The following DSG1 variants were observed in gnomAD, a reference collection of about 807,000 sequenced individuals.
DSG1 encodes desmoglein 1, also known as desmoglein-1.
DSG1 carries 39 observed loss-of-function variants against 97.5 expected under a neutral mutation model. The observed-to-expected ratio is 0.40, with a 90% CI of 0.31 to 0.52. DSG1 has a LOEUF of 0.52. Among genes scored for constraint, DSG1 ranks in the 20% least tolerant of loss-of-function variants. The pLI is 0.53. For synonymous variants in DSG1, 475 were observed against 443.4 expected, an observed-to-expected ratio of 1.07 and a Z score of -0.90; for missense variants, 1,311 against 1,295.4, an observed-to-expected ratio of 1.01 and a Z score of -0.18.
chr18:31,327,918 G>A (rs114030638), intron 3 of DSG1, among the ~76,000 whole-genome samples: 1 of 152,256 alleles, frequency 6.6e-6, no homozygotes, highest in African/African-American at 2.4e-5. Flanking sequence ...CATGCATGAT[G>A]ATTGCATAGA....
chr18:31,318,222 G>A lies in DSG1; in HGVS notation c.-79G>A, dbSNP rs2071631889. On this transcript the variant is annotated 5_prime_UTR_variant, in exon 1 of 15. Transcript: ENST00000257192. ...GAGAAATTATTTTAATCAGACACCA[G>A]CTGAGTGGGAGAAAGAAAAAGAACA... The A allele has an allele frequency of 4.0e-6, 5 of 1,236,720 alleles. No homozygotes were observed. The highest frequency in any genetic ancestry group is 6.0e-6 in the Non-Finnish European group (5 of 836,164). 76.6% of individuals were successfully genotyped at this position (1,236,720 alleles called of 1,614,324 possible).
chr18:31,351,600 G>A (rs1423945299), intron 14 of DSG1, among the ~76,000 whole-genome samples: 3 of 151,826 alleles, frequency 2.0e-5, no homozygotes, highest in African/African-American at 4.8e-5. Flanking sequence ...ATGTGTGGGA[G>A]TCTAAGTCTC....
At chr18:31,348,182 T>C (rs1323467127) in intron 14 of DSG1, among the ~76,000 whole-genome samples, 1 of 134,530 alleles carries the variant, frequency 7.4e-6, no homozygotes, top group Non-Finnish European at 1.5e-5. Context: ...TGTGATCTCA[T>C]TGTTCAATTC....
Position 31,357,802 on chromosome 18 carries a change from A to C in DSG1, c.*2456A>C, listed in dbSNP as rs910017115. 6.6e-6 allele frequency among the ~76,000 whole-genome samples: 1 copy of C among 152,006 alleles called. No homozygotes were observed. The highest frequency in any genetic ancestry group is 1.5e-5 in the Non-Finnish European group (1 of 67,896). On this transcript the variant is annotated 3_prime_UTR_variant, in exon 15 of 15. Transcript: ENST00000257192. The stretch of plus-strand genomic sequence containing the variant: ...TGCAAATTGATGGGAAAAACAAGAA[A>C]AACTGAAGTATTAGTCACCTATCTT...
At chr18:31,320,123 T>C (rs2144079755) in intron 1 of DSG1, among the ~76,000 whole-genome samples, 1 of 152,276 alleles carries the variant, frequency 6.6e-6, no homozygotes, top group Admixed American at 6.5e-5. Flanking sequence ...TTATTTTAAG[T>C]ACAGATTTTA....
At chr18:31,350,364 T>G (rs368988681) in intron 14 of DSG1, among the ~76,000 whole-genome samples, 3 of 108,016 alleles carry the variant, frequency 2.8e-5, no homozygotes, top group Non-Finnish European at 5.5e-5. Flanking sequence ...GCTGGATTCG[T>G]TTTGCCAGTA....
At chr18:31,333,806 A>C (rs745740014) in intron 7 of DSG1, 83 bp downstream of exon 7, 2 of 1,528,278 alleles carry the variant, frequency 1.3e-6, no homozygotes, top group East Asian at 4.5e-5. Context: ...ACAGAGGCAC[A>C]TGTTATGTTT....
intron 9 of DSG1, among the ~76,000 whole-genome samples, chr18:31,337,902 G>A (rs191410765): frequency 3.2e-4 from 48 of 152,294 alleles, no homozygotes; most frequent in African/African-American, 1.1e-3. Context: ...AAACAGGGGG[G>A]AAGTTCAGGC....
intron 14 of DSG1, among the ~76,000 whole-genome samples, chr18:31,350,723 C>G (rs1393969055): frequency 2.0e-5 from 3 of 150,794 alleles, no homozygotes; most frequent in African/African-American, 7.4e-5. Context: ...AAGAATTTAT[C>G]CATTTCTTCT....
chr18:31,325,944 A>G (rs2071683235), intron 1 of DSG1, among the ~76,000 whole-genome samples: 1 of 152,150 alleles, frequency 6.6e-6, no homozygotes, highest in African/African-American at 2.4e-5. Context: ...ATAGATTTAC[A>G]TAAATACATA....
In DSG1 at chr18:31,355,003, G is replaced by T. The variant is rs764226351; in HGVS notation, c.2807G>T (p.Ser936Ile). Residue 936 changes from serine to isoleucine, a missense_variant, in exon 15 of 15, where the codon AGT becomes ATT. Physicochemically the swap from Ser to Ile is moderately radical, Grantham distance 142. Around this residue, in one of 3 missense-constraint regions of DSG1, gnomAD observed 1,038 missense variants for 964.6 expected, o/e 1.08. Transcript: ENST00000257192. The stretch of plus-strand genomic sequence containing the variant: ...CAACCAACTTCCGGCATGATAGGTA[G>T]TCTGAGTATGCACCCCGAGTTAGCC... ...VIQPTSGMIGSLSMHPELANA... is the reference protein window; with the variant it reads ...VIQPTSGMIGILSMHPELANA... The T allele has an allele frequency of 6.2e-7, 1 of 1,614,244 alleles. No individual in the cohort carries two copies. Among genetic ancestry groups the T allele is most frequent in the South Asian group, 1.1e-5 (1 of 91,090 alleles).
At chr18:31,342,819 C>T (rs76855563) in intron 11 of DSG1, among the ~76,000 whole-genome samples, 4,509 of 151,974 alleles carry the variant, frequency 0.03, 253 homozygotes, top group African/African-American at 0.1. Context: ...TTTCATCTTT[C>T]CTTGTTCTCT....
chr18:31,336,719 T>C, intron 9 of DSG1, 106 bp downstream of exon 9: 1 of 1,194,284 alleles, frequency 8.4e-7, no homozygotes, highest in Non-Finnish European at 1.2e-6. Context: ...TCATTATTTT[T>C]GAAACTATCA....
At chr18:31,327,272 A>G (rs1031804545) in intron 3 of DSG1, among the ~76,000 whole-genome samples, 4 of 152,312 alleles carry the variant, frequency 2.6e-5, no homozygotes, top group East Asian at 1.9e-4. Flanking sequence ...ATGAAAAAAG[A>G]TCATTATTTT....
rs142733295 is a variant in DSG1 at position 31,330,029 on chromosome 18, T to C, written c.510T>C (p.Ser170=). ...ATFAGQIEEN[S]NANTLVMILN... ...TTGCAGGACAAATAGAAGAAAATTC[T>C]AATGCAAGTAAGTAATGTAGTGGCT... The change falls in exon 5 of 15, where the codon TCT becomes TCC. Residue 170 remains serine (S), a synonymous_variant. Coordinates refer to ENST00000257192, the MANE Select transcript of DSG1 (RefSeq NM_001942.4). 1.5e-5 allele frequency: 24 copies of C among 1,612,892 alleles called. No individual in the cohort carries two copies. The African/African-American group carries it at 1.9e-4, about 13-fold the overall frequency.
chr18:31,344,131 T>C (rs1477419040), intron 13 of DSG1, 136 bp downstream of exon 13: 1 of 702,036 alleles, frequency 1.4e-6, no homozygotes, highest in African/African-American at 1.8e-5. Flanking sequence ...GACTAACTTG[T>C]AAATTAAATG....
At chr18:31,328,041 T>C (rs1598699335) in intron 3 of DSG1, 148 bp from the exon 4 acceptor site, 1 of 761,532 alleles carries the variant, frequency 1.3e-6, no homozygotes, top group Non-Finnish European at 2.1e-6. Flanking sequence ...CTGTAATTGT[T>C]ACTCTTATCT....
In DSG1 at chr18:31,354,518, T is replaced by C. The variant is rs140793832; in HGVS notation, c.2322T>C (p.Ser774=). 951 of 1,614,190 alleles carry C rather than the reference T, an allele frequency of 5.9e-4. 8 individuals are homozygous for C. In the African/African-American group the frequency reaches 0.012, roughly 20 times the overall value. The change falls in exon 15 of 15, where the codon TCT becomes TCC. Residue 774 remains serine, a synonymous_variant. Coordinates refer to ENST00000257192, the MANE Select transcript of DSG1 (RefSeq NM_001942.4). ...AATCATATCCAGACCTTGATCCTTC[T>C]TGGCCACCACAAAGCACTGAACCAG... ...GKESYPDLDP[S]WPPQSTEPVC...
In DSG1 at chr18:31,331,802, C is replaced by T. The variant is rs770219233; in HGVS notation, c.619C>T (p.Pro207Ser). Residue 207 changes from proline to serine, a missense_variant, in exon 6 of 15, where the codon CCA becomes TCA. Pro to Ser is a moderately conservative substitution (Grantham distance 74). This residue lies in a region of DSG1 where 259 missense variants were observed against 304.1 expected (regional missense o/e 0.85). Coordinates refer to ENST00000257192, the MANE Select transcript of DSG1 (RefSeq NM_001942.4). ...TATAAGACAAGAACCTTCAGATTCA[C>T]CAATGTTTATTATCAACAGAAATAC... ...KIIRQEPSDSPMFIINRNTGE... is the reference protein window; with the variant it reads ...KIIRQEPSDSSMFIINRNTGE... 1.9e-6 allele frequency: 3 copies of T among 1,612,672 alleles called. No individual in the cohort carries two copies. The highest frequency in any genetic ancestry group is 2.5e-6 in the Non-Finnish European group (3 of 1,179,060).
Sources: gnomAD v4.1 joint callset for allele counts (sites outside exome capture counted in the v4.1 genomes callset) on GRCh38, gnomAD v4.1.1 for gene constraint, gnomAD v4.1.1 regional missense constraint, MANE v1.5 for transcripts, NCBI Gene and HGNC (gene_info 2026-07-23, HGNC 2026-07-21) for gene names.